DDX17: variants seen among roughly 807,000 people sequenced by gnomAD.
DDX17 encodes probable ATP-dependent RNA helicase DDX17.
DDX17 carries 10 observed loss-of-function variants against 80.8 expected under a neutral mutation model. The ratio of observed to expected loss-of-function variants is 0.12; its 90% CI spans 0.08 to 0.21. DDX17 has a LOEUF of 0.21. Among genes scored for constraint, DDX17 ranks in the 10% least tolerant of loss-of-function variants. The pLI is 1.00. For synonymous variants in DDX17, 339 were observed against 336.2 expected (o/e 1.01, Z -0.09); for missense variants, 586 against 957.4 (o/e 0.61, Z 5.12).
chr22:38,499,355 C>T (rs1009198377), intron 3 of DDX17, 45 bp downstream of exon 3: 3 of 1,488,990 alleles, frequency 2.0e-6, no homozygotes, highest in South Asian at 1.1e-5. Context: ...GTCTCCCATT[C>T]AACCCAATTT....
At position 38,485,830 on chromosome 22, in the gene DDX17, A is replaced by AG; in HGVS notation, c.*104dup. 7.2e-7 allele frequency: 1 copy of AG among 1,398,392 alleles called. No individual in the cohort carries two copies. Among genetic ancestry groups the AG allele is most frequent in the Middle Eastern group, 2.6e-4 (1 of 3,794 alleles). 86.6% of individuals were successfully genotyped at this position (1,398,392 alleles called of 1,614,324 possible). On this transcript the variant is annotated 3_prime_UTR_variant, in exon 13 of 13. Coordinates refer to ENST00000403230, the MANE Select transcript of DDX17 (RefSeq NM_006386.5). ...GGGGGGAAAAATTAAAAAAAAAAAA[A>AG]GAAAAAAGGAAAAAAAAAGAAAAGG...
At position 38,489,476 on chromosome 22, in the gene DDX17, T is replaced by C. The variant is rs2089692533; in HGVS notation, c.1448-1361A>G. 1.0e-6 allele frequency: 1 copy of C among 985,416 alleles called. No homozygotes were observed. The highest frequency in any genetic ancestry group is 1.8e-5 in the African/African-American group (1 of 57,100). The allele number at this position is 985,416 out of a possible 1,614,324, so 61.0% of individuals were successfully genotyped here. On this transcript the variant is annotated intron_variant, in intron 11 of 12. Coordinates refer to ENST00000403230, the MANE Select transcript of DDX17 (RefSeq NM_006386.5). The surrounding 1 kb of genome is among the most constrained non-coding windows in gnomAD (Gnocchi z 4.6). ...CGGAGAACCTGGGTTCGGGTAAAAATTTCAGGTCCTCCAACGCCTCCCCCA... is the reference window on the plus strand; with the variant it reads ...CGGAGAACCTGGGTTCGGGTAAAAACTTCAGGTCCTCCAACGCCTCCCCCA...
At chr22:38,491,739 A>G in intron 11 of DDX17, 1 of 262,606 alleles carries the variant, frequency 3.8e-6, no homozygotes, top group Non-Finnish European at 7.2e-6. Flanking sequence ...ACCAGAGAGA[A>G]GCTGAGCCAT....
chr22:38,488,154 G>A, intron 11 of DDX17, 39 bp from the exon 12 acceptor site: 1 of 1,612,474 alleles, frequency 6.2e-7, no homozygotes, highest in South Asian at 1.1e-5. Flanking sequence ...AGGTTGATGT[G>A]GCAGGGAAAG....
intron 1 of DDX17, 146 bp downstream of exon 1, chr22:38,505,805 C>T (rs1368271337): frequency 2.8e-6 from 3 of 1,073,788 alleles, no homozygotes; most frequent in Non-Finnish European, 3.9e-6. Context: ...GAGGTCCGCG[C>T]ACGAAACCGC....
rs6001138 is a variant in DDX17, at chr22:38,489,784, G to A, written c.1448-1669C>T. ...ATCACAGGGGGCAGCTTGAGTCTCC[G>A]GCTAGGGTCGTTGACGCAACAAAGG... On this transcript the variant is annotated intron_variant, in intron 11 of 12. Coordinates refer to ENST00000403230, the MANE Select transcript of DDX17 (RefSeq NM_006386.5). This position sits in a 1 kb window ranked among gnomAD's most constrained non-coding sequence, Gnocchi z 4.6. The A allele has an allele frequency of 6.2e-3, 6,067 of 985,466 alleles. 298 individuals carry two copies. In the African/African-American group the frequency reaches 0.098, roughly 16 times the overall value. The allele number at this position is 985,466 out of a possible 1,614,324, so 61.0% of individuals were successfully genotyped here. A position where few individuals can be genotyped will look rare whatever the true frequency, so the allele number is the denominator to read the frequency against.
In DDX17 at chr22:38,487,894, C is replaced by T; in HGVS notation, c.1669G>A (p.Gly557Ser). 1 of 1,614,246 alleles carries T rather than the reference C, an allele frequency of 6.2e-7. No homozygotes were observed. The highest frequency in any genetic ancestry group is 2.2e-5 in the East Asian group (1 of 44,890). ...TTACCCTTACCCCCGCCTCCGCCGCCTCCTCTGTGGTCCACAAGCTGCATC... is the reference window on the plus strand; with the variant it reads ...TTACCCTTACCCCCGCCTCCGCCGCTTCCTCTGTGGTCCACAAGCTGCATC... Residue 557 changes from glycine to serine, a missense_variant, in exon 12 of 13, where the codon GGC (glycine) becomes AGC (serine). This residue lies in a region of DDX17 where 221 missense variants were observed against 261.4 expected (regional missense o/e 0.85). Coordinates refer to ENST00000403230, the MANE Select transcript of DDX17 (RefSeq NM_006386.5).
chr22:38,500,414 G>C (rs528556423), intron 2 of DDX17, among the ~76,000 whole-genome samples: 1 of 150,948 alleles, frequency 6.6e-6, no homozygotes, highest in Non-Finnish European at 1.5e-5. Flanking sequence ...AGGCTGAGGC[G>C]GGCAGATCAC....
chr22:38,497,793 CAAAAAAAA>C (rs2089785592), intron 5 of DDX17, among the ~76,000 whole-genome samples: 2 of 150,882 alleles, frequency 1.3e-5, no homozygotes, highest in South Asian at 4.2e-4. Context: ...AACAAAAAAA[CAAAAAAAA>C]CCACACCAAA....
intron 5 of DDX17, among the ~76,000 whole-genome samples, 168 bp downstream of exon 5, chr22:38,497,915 CTG>C (rs2089787043): frequency 6.6e-6 from 1 of 152,174 alleles, no homozygotes; most frequent in Non-Finnish European, 1.5e-5. Context: ...TATTCAATTG[CTG>C]AGTGATCTTG....
chr22:38,504,814 T>C (rs896447254), intron 1 of DDX17, among the ~76,000 whole-genome samples: 2 of 152,082 alleles, frequency 1.3e-5, no homozygotes, highest in African/African-American at 4.8e-5. Flanking sequence ...GTAAAGGCAA[T>C]TATCACGTTC....
chr22:38,490,316 A>G, intron 11 of DDX17: 2 of 1,287,002 alleles, frequency 1.6e-6, no homozygotes, highest in Non-Finnish European at 2.0e-6. Context: ...CATGGCCTGA[A>G]TCGCCAATCA....
intron 3 of DDX17, 151 bp from the exon 4 acceptor site, chr22:38,498,724 C>T: frequency 1.2e-6 from 1 of 817,168 alleles, no homozygotes; most frequent in South Asian, 1.8e-5. Context: ...CTCCGACCAA[C>T]TCACTGTTAG....
intron 5 of DDX17, among the ~76,000 whole-genome samples, chr22:38,497,737 A>G (rs192221864): frequency 2.6e-5 from 4 of 151,702 alleles, no homozygotes; most frequent in Non-Finnish European, 4.4e-5. Context: ...GACCAGCCTG[A>G]CCAACACGGA....
In DDX17 at chr22:38,490,129, A is replaced by G. The variant is rs1401255684; in HGVS notation, c.1447+1927T>C. On this transcript the variant is annotated intron_variant, in intron 11 of 12. Coordinates refer to ENST00000403230, the MANE Select transcript of DDX17 (RefSeq NM_006386.5). ...CATGCACAGCTGGATGGGGGCACACAGGAGCAAGCGCAGAATTTGGTTTTC... is the reference window on the plus strand; with the variant it reads ...CATGCACAGCTGGATGGGGGCACACGGGAGCAAGCGCAGAATTTGGTTTTC... The G allele has an allele frequency of 4.3e-6, 5 of 1,155,650 alleles. No homozygotes were observed. The South Asian group carries it at 5.3e-5, about 12-fold the overall frequency. 71.6% of individuals were successfully genotyped at this position (1,155,650 alleles called of 1,614,324 possible).
chr22:38,497,397 C>T (rs1355225935), intron 5 of DDX17, among the ~76,000 whole-genome samples: 4 of 149,446 alleles, frequency 2.7e-5, no homozygotes, highest in African/African-American at 9.9e-5. Flanking sequence ...GCAGGCAGAT[C>T]ACCTGAGGTC....
intron 5 of DDX17, among the ~76,000 whole-genome samples, chr22:38,496,601 T>C (rs2089770694): frequency 6.6e-6 from 1 of 152,118 alleles, no homozygotes; most frequent in Non-Finnish European, 1.5e-5. Context: ...CTGCCCACTT[T>C]GGCCTCCCAA....
chr22:38,489,232 G>C lies in DDX17; in HGVS notation c.1448-1117C>G. The C allele has an allele frequency of 1.0e-6, 1 of 985,752 alleles. No homozygotes were observed. Among genetic ancestry groups the C allele is most frequent in the Non-Finnish European group, 1.2e-6 (1 of 829,920 alleles). The allele number at this position is 985,752 out of a possible 1,614,324, so 61.1% of individuals were successfully genotyped here. ...ATTCTCTGTTTGTTACCAGACCGAT[G>C]CACACTCCCTCCTCCTTTGGGAAAC... On this transcript the variant is annotated intron_variant, in intron 11 of 12. Transcript: ENST00000403230. The surrounding 1 kb of genome is among the most constrained non-coding windows in gnomAD (Gnocchi z 4.6).
At chr22:38,502,349 G>A (rs1825293218) in intron 1 of DDX17, among the ~76,000 whole-genome samples, 1 of 151,532 alleles carries the variant, frequency 6.6e-6, no homozygotes, top group Non-Finnish European at 1.5e-5. Context: ...GGAAGGCGGA[G>A]GTTGCAGTGA....
Sources: gnomAD v4.1 joint callset for allele counts (sites outside exome capture counted in the v4.1 genomes callset) on GRCh38, gnomAD v4.1.1 for gene constraint, gnomAD v4.1.1 regional missense constraint, Gnocchi (gnomAD v3.1) non-coding constraint, MANE v1.5 for transcripts, NCBI Gene and HGNC (gene_info 2026-07-23, HGNC 2026-07-21) for gene names.